The following KDM1B variants were observed in gnomAD, a reference collection of about 807,000 sequenced individuals.
KDM1B encodes the protein lysine demethylase 1B, also known as lysine-specific histone demethylase 2.
KDM1B carries 63 observed loss-of-function variants against 107.4 expected under a neutral mutation model. The observed-to-expected ratio is 0.59, with a 90% CI of 0.48 to 0.72. KDM1B has a LOEUF of 0.72. Among genes scored for constraint, KDM1B ranks in the 30% least tolerant of loss-of-function variants. The pLI is 0.00. For missense variants in KDM1B, 749 were observed against 1,020.8 expected (o/e 0.73, Z 3.63); for synonymous variants, 363 against 363.9 (o/e 1.00, Z 0.03).
At chr6:18,190,822 C>T (rs1277952053) in intron 9 of KDM1B, among the ~76,000 whole-genome samples, 4 of 151,778 alleles carry the variant, frequency 2.6e-5, no homozygotes, top group Non-Finnish European at 5.9e-5. Context: ...ATCACTTGGA[C>T]CCAGGAGATG....
rs1266323276 is a variant in KDM1B at position 18,203,094 on chromosome 6, A to G, written c.1531+1437A>G. Among the ~76,000 whole-genome samples the G allele has an allele frequency of 6.6e-6, 1 of 152,120 alleles. No individual in the cohort carries two copies. The highest frequency in any genetic ancestry group is 1.5e-5 in the Non-Finnish European group (1 of 68,024). On this transcript the variant is annotated intron_variant, in intron 14 of 21. Transcript: ENST00000650836. This position sits in a 1 kb window ranked among gnomAD's most constrained non-coding sequence, Gnocchi z 5.5. Reference sequence around the variant, plus strand: ...TCAGAGTCACCATATAAAAATGTTTAATGATAATGCTTTGCCTTACCCTTA... The same window carrying G: ...TCAGAGTCACCATATAAAAATGTTTGATGATAATGCTTTGCCTTACCCTTA...
intron 5 of KDM1B, among the ~76,000 whole-genome samples, chr6:18,166,030 T>G (rs1227003569): frequency 6.6e-6 from 1 of 151,862 alleles, no homozygotes; most frequent in Admixed American, 6.6e-5. Context: ...AGAAAAAAAT[T>G]TAATTTCTCT....
Position 18,221,963 on chromosome 6 carries a change from C to A in KDM1B, c.2440C>A (p.Arg814=). The A allele has an allele frequency of 6.2e-7, 1 of 1,613,876 alleles. No individual in the cohort carries two copies. The highest frequency in any genetic ancestry group is 8.5e-7 in the Non-Finnish European group (1 of 1,179,880). The change falls in exon 22 of 22, where the codon CGA becomes AGA. Residue 814 remains arginine (R), a synonymous_variant. Transcript: ENST00000650836. ...TVTGAYLSGV[R]EASKIAAF ...TACAGGGGCATATTTGAGTGGCGTT[C>A]GAGAAGCAAGCAAGATTGCAGCATT... is the stretch of plus-strand genomic sequence containing the variant.
intron 20 of KDM1B, 113 bp downstream of exon 20, chr6:18,215,242 C>A: frequency 8.0e-7 from 1 of 1,244,334 alleles, no homozygotes; most frequent in Non-Finnish European, 1.1e-6. Flanking sequence ...AGGCAGAGGC[C>A]ACAGTCTTCT....
chr6:18,208,628 T>TATATATATATATA (rs1491350264), intron 17 of KDM1B, among the ~76,000 whole-genome samples: 35 of 16,196 alleles, frequency 2.2e-3, no homozygotes, highest in South Asian at 6.3e-3. Flanking sequence ...TATATATATA[T>TATATATATATATA]TTTTTTTTTT....
In KDM1B at chr6:18,170,312, A is replaced by G. The variant is rs73381307; in HGVS notation, c.418-1051A>G. ...TCTTACATACCATGATTATTTGTCA[A>G]AGTAAGAAATTAACTTTGGCATAGT... On this transcript the variant is annotated intron_variant, in intron 6 of 21. Transcript: ENST00000650836. 2.3e-3 allele frequency among the ~76,000 whole-genome samples: 344 copies of G among 152,232 alleles called. 1 individual carries two copies. Among genetic ancestry groups the G allele is most frequent in the African/African-American group, 7.8e-3 (324 of 41,532 alleles).
chr6:18,219,373 T>C (rs1310311126), intron 21 of KDM1B, among the ~76,000 whole-genome samples: 1 of 152,230 alleles, frequency 6.6e-6, no homozygotes, highest in Non-Finnish European at 1.5e-5. Context: ...TTCTAGAGAT[T>C]CTGTTCCATA....
At position 18,213,569 on chromosome 6, in the gene KDM1B, G is replaced by A; in HGVS notation, c.1984-87G>A. 1 of 1,379,158 alleles carries A rather than the reference G, an allele frequency of 7.3e-7. No homozygotes were observed. The highest frequency in any genetic ancestry group is 1.8e-5 in the Admixed American group (1 of 56,946). 85.4% of individuals were successfully genotyped at this position (1,379,158 alleles called of 1,614,324 possible). A position where few individuals can be genotyped will look rare whatever the true frequency, so the allele number is the denominator to read the frequency against. ...TCTTTCGGGCAGTGTCTTTGTTTTA[G>A]AGTAGAGCTACAGGTTGCTGCTTAG... On this transcript the variant is annotated intron_variant, in intron 18 of 21. Transcript: ENST00000650836. The surrounding 1 kb of genome is among the most constrained non-coding windows in gnomAD (Gnocchi z 5.9).
intron 21 of KDM1B, among the ~76,000 whole-genome samples, chr6:18,218,287 AT>A (rs962504827): frequency 2.0e-5 from 3 of 149,690 alleles, no homozygotes; most frequent in African/African-American, 4.9e-5. Context: ...AGCCTGGCTA[AT>A]TTTTTTTTTA....
chr6:18,215,397 G>C (rs561370647), intron 20 of KDM1B, among the ~76,000 whole-genome samples: 21 of 152,186 alleles, frequency 1.4e-4, no homozygotes, highest in Admixed American at 4.6e-4. Context: ...TCGAGGTGTC[G>C]GCAGGGTTGG....
chr6:18,189,044 A>G (rs1376118695), intron 9 of KDM1B, among the ~76,000 whole-genome samples: 1 of 152,020 alleles, frequency 6.6e-6, no homozygotes, highest in Non-Finnish European at 1.5e-5. Flanking sequence ...TCAGCCTCCC[A>G]AAGTGCTGGG....
At chr6:18,183,548 C>T (rs1786631978) in intron 7 of KDM1B, among the ~76,000 whole-genome samples, 1 of 152,010 alleles carries the variant, frequency 6.6e-6, no homozygotes, top group Non-Finnish European at 1.5e-5. Flanking sequence ...ATGTGAGCCA[C>T]CACGCCGGGC....
At chr6:18,208,493 T>G (rs1399157136) in intron 17 of KDM1B, among the ~76,000 whole-genome samples, 1 of 150,666 alleles carries the variant, frequency 6.6e-6, no homozygotes. Flanking sequence ...AAAAAATTCC[T>G]TGGCCAAATA....
At chr6:18,174,983 T>C (rs990926730) in intron 7 of KDM1B, among the ~76,000 whole-genome samples, 1 of 152,224 alleles carries the variant, frequency 6.6e-6, no homozygotes, top group African/African-American at 2.4e-5. Context: ...GTATAATGAC[T>C]TCTTTTCCTC....
rs1340948158 is a variant in KDM1B at position 18,205,205 on chromosome 6, T to C, written c.1532-332T>C. On this transcript the variant is annotated intron_variant, in intron 14 of 21. Transcript: ENST00000650836. The surrounding 1 kb of genome is among the most constrained non-coding windows in gnomAD (Gnocchi z 5.7). ...TACATCTATGTGTGGGGACAGTTTT[T>C]CTGTATCTTGAGCAAAAGAGGAAAC... Among the ~76,000 whole-genome samples, 1 of 152,160 alleles carries C rather than the reference T, an allele frequency of 6.6e-6. No homozygotes were observed. Among genetic ancestry groups the C allele is most frequent in the Non-Finnish European group, 1.5e-5 (1 of 68,026 alleles).
chr6:18,210,243 T>G (rs1422069819), intron 17 of KDM1B, among the ~76,000 whole-genome samples: 1 of 151,958 alleles, frequency 6.6e-6, no homozygotes, highest in African/African-American at 2.4e-5. Flanking sequence ...CTAGGCTGCT[T>G]CCATTGACAT....
chr6:18,208,348 C>T lies in KDM1B; in HGVS notation c.1866+142C>T, dbSNP rs1323193537. The T allele has an allele frequency of 1.1e-5, 7 of 613,740 alleles. No individual in the cohort carries two copies. The Admixed American group carries it at 1.5e-4, about 14-fold the overall frequency. The allele number at this position is 613,740 out of a possible 1,614,324, so 38.0% of individuals were successfully genotyped here. ...TGGATTTCTGGTAAGTTATGTATCT[C>T]TACTTAATTGTATGTAGATATGCAA... On this transcript the variant is annotated intron_variant, in intron 17 of 21. Coordinates refer to ENST00000650836, the MANE Select transcript of KDM1B (RefSeq NM_001364614.2).
Position 18,196,313 on chromosome 6 carries a change from G to A in KDM1B, c.970-744G>A, listed in dbSNP as rs146914954. Among the ~76,000 whole-genome samples the A allele has an allele frequency of 3.3e-5, 5 of 152,236 alleles. No individual in the cohort carries two copies. The East Asian group carries it at 5.8e-4, about 18-fold the overall frequency. On this transcript the variant is annotated intron_variant, in intron 10 of 21. Coordinates refer to ENST00000650836, the MANE Select transcript of KDM1B (RefSeq NM_001364614.2). ...ATGGGAGTGCACATCTCTCTTTGAC[G>A]TGCTGATTCATTTTATTTGACTACC...
rs1404161980 is a variant in KDM1B, at chr6:18,209,546, C to T, written c.1866+1340C>T. Among the ~76,000 whole-genome samples the T allele has an allele frequency of 2.0e-5, 3 of 152,198 alleles. No homozygotes were observed. The highest frequency in any genetic ancestry group is 2.9e-5 in the Non-Finnish European group (2 of 68,040). On this transcript the variant is annotated intron_variant, in intron 17 of 21. Transcript: ENST00000650836. This position sits in a 1 kb window ranked among gnomAD's most constrained non-coding sequence, Gnocchi z 4.3. ...GCACGTCGGAACCACCTGGGAGGCG[C>T]TTACAAAGAAAGGCTGGAAAGCCCC...
Sources: gnomAD v4.1 joint callset for allele counts (sites outside exome capture counted in the v4.1 genomes callset) on GRCh38, gnomAD v4.1.1 for gene constraint, Gnocchi (gnomAD v3.1) non-coding constraint, MANE v1.5 for transcripts, NCBI Gene and HGNC (gene_info 2026-07-23, HGNC 2026-07-21) for gene names.